Variants in MEOX2 observed in about 807,000 individuals in gnomAD.
The protein encoded by MEOX2 is homeobox protein MOX-2.
A neutral mutation model predicts 27.0 loss-of-function variants in MEOX2; 11 were observed. The ratio of observed to expected loss-of-function variants is 0.41; its 90% CI spans 0.26 to 0.68. The LOEUF is 0.68. Ranked by LOEUF, MEOX2 falls within the 30% of genes least tolerant of loss-of-function variation. The pLI, the probability that MEOX2 is intolerant of heterozygous loss-of-function variation, is 0.33. For missense variants in MEOX2, 436 were observed against 385.4 expected (o/e 1.13, Z -1.10); for synonymous variants, 189 against 155.4 (o/e 1.22, Z -1.61).
intron 2 of MEOX2, among the ~76,000 whole-genome samples, chr7:15,619,010 T>C (rs903253287): frequency 2.6e-5 from 4 of 151,986 alleles, no homozygotes; most frequent in Non-Finnish European, 5.9e-5. Context: ...TGAGGAGACA[T>C]AGAAATATGG....
chr7:15,629,802 T>C (rs184378368), intron 1 of MEOX2, among the ~76,000 whole-genome samples: 1 of 152,188 alleles, frequency 6.6e-6, no homozygotes, highest in African/African-American at 2.4e-5. Flanking sequence ...CCAAACCCTA[T>C]CACTTGCTGA....
At chr7:15,646,965 T>G (rs544365045) in intron 1 of MEOX2, among the ~76,000 whole-genome samples, 7 of 152,080 alleles carry the variant, frequency 4.6e-5, no homozygotes, top group Admixed American at 3.9e-4. Flanking sequence ...TATCTACACA[T>G]CCAGTGCATT....
At chr7:15,663,007 A>G (rs1420574924) in intron 1 of MEOX2, among the ~76,000 whole-genome samples, 3 of 152,102 alleles carry the variant, frequency 2.0e-5, no homozygotes, top group Admixed American at 2.0e-4. Context: ...TAATTCAAGG[A>G]TGTAAGTAGC....
At position 15,659,048 on chromosome 7, in the gene MEOX2, G is replaced by A. The variant is rs555109252; in HGVS notation, c.517+26838C>T. 4.6e-5 allele frequency among the ~76,000 whole-genome samples: 7 copies of A among 152,232 alleles called. 1 individual carries two copies. In the South Asian group the frequency reaches 8.3e-4, roughly 18 times the overall value. ...AGGGTCTCTCTCTGGCACCCAGGGT[G>A]GAGTGCAGTGGCATGATTATGGCTC... On this transcript the variant is annotated intron_variant, in intron 1 of 2. Transcript: ENST00000262041.
At chr7:15,645,786 T>C (rs949394519) in intron 1 of MEOX2, among the ~76,000 whole-genome samples, 3 of 152,118 alleles carry the variant, frequency 2.0e-5, no homozygotes, top group Non-Finnish European at 4.4e-5. Flanking sequence ...GGCTTACCAA[T>C]AGTAAACAGA....
intron 1 of MEOX2, among the ~76,000 whole-genome samples, chr7:15,664,879 C>T (rs1781974919): frequency 1.3e-5 from 2 of 152,144 alleles, no homozygotes; most frequent in South Asian, 2.1e-4. Context: ...CCTTCTGTTG[C>T]ATCTCATTTC....
chr7:15,660,989 G>T (rs894035640), intron 1 of MEOX2, among the ~76,000 whole-genome samples: 1 of 119,442 alleles, frequency 8.4e-6, no homozygotes, highest in African/African-American at 3.4e-5. Context: ...CTCCAGCCTT[G>T]GCAACAGAGC....
chr7:15,624,352 C>T (rs538306601), intron 2 of MEOX2, among the ~76,000 whole-genome samples: 14 of 152,106 alleles, frequency 9.2e-5, no homozygotes, highest in Admixed American at 2.0e-4. Flanking sequence ...TGAACTATCT[C>T]TCATGTTCTG....
intron 1 of MEOX2, chr7:15,678,788 C>T (rs1217404677): frequency 6.6e-6 from 1 of 152,216 alleles, no homozygotes; most frequent in Non-Finnish European, 1.5e-5. Flanking sequence ...TAAAATTCTA[C>T]TGGCATCTGC....
chr7:15,669,215 G>A (rs574829911), intron 1 of MEOX2, among the ~76,000 whole-genome samples: 1 of 152,012 alleles, frequency 6.6e-6, no homozygotes. Context: ...CTTCTATACC[G>A]CCAGTAAAAC....
At chr7:15,644,010 G>A (rs1781603775) in intron 1 of MEOX2, among the ~76,000 whole-genome samples, 1 of 152,144 alleles carries the variant, frequency 6.6e-6, no homozygotes. Context: ...TGCAGGGGTG[G>A]CTGGAAGGCA....
chr7:15,677,472 C>T (rs1050354590), intron 1 of MEOX2: 1 of 152,196 alleles, frequency 6.6e-6, no homozygotes, highest in African/African-American at 2.4e-5. Context: ...GGGTTGCATC[C>T]ACCTAACCCT....
chr7:15,685,855 G>T (rs1457905421), intron 1 of MEOX2, 31 bp downstream of exon 1: 4 of 1,548,554 alleles, frequency 2.6e-6, no homozygotes, highest in Non-Finnish European at 3.5e-6. Context: ...AGCCCGGCGC[G>T]CACTCTCGAG....
At chr7:15,652,846 T>C (rs983890197) in intron 1 of MEOX2, among the ~76,000 whole-genome samples, 3 of 152,048 alleles carry the variant, frequency 2.0e-5, no homozygotes, top group Non-Finnish European at 2.9e-5. Flanking sequence ...TTCCATGTTA[T>C]GGATGTACCA....
intron 1 of MEOX2, among the ~76,000 whole-genome samples, chr7:15,655,586 A>T (rs1485237320): frequency 6.6e-6 from 1 of 151,732 alleles, no homozygotes; most frequent in Non-Finnish European, 1.5e-5. Context: ...TTTCTTGCAG[A>T]TCAATGTATT....
At chr7:15,636,901 G>T (rs1259144445) in intron 1 of MEOX2, among the ~76,000 whole-genome samples, 1 of 152,080 alleles carries the variant, frequency 6.6e-6, no homozygotes, top group South Asian at 2.1e-4. Flanking sequence ...CCTTTTCATA[G>T]TGGCATTAAT....
At chr7:15,621,691 C>A (rs536796094) in intron 2 of MEOX2, among the ~76,000 whole-genome samples, 6 of 152,100 alleles carry the variant, frequency 3.9e-5, no homozygotes, top group African/African-American at 1.4e-4. Flanking sequence ...GTAGGGGTAG[C>A]CACAAATAAC....
At chr7:15,670,686 T>C (rs1782080883) in intron 1 of MEOX2, among the ~76,000 whole-genome samples, 4 of 152,170 alleles carry the variant, frequency 2.6e-5, no homozygotes, top group Admixed American at 2.6e-4. Flanking sequence ...TTACATACCA[T>C]ACTACATGAC....
rs1782371823 is a variant in MEOX2, at chr7:15,685,868, TGCCTGGC to T, written c.517+11_517+17del. On this transcript the variant is annotated intron_variant, in intron 1 of 2. Transcript: ENST00000262041. ...CCAGCCCGGCGCGCACTCTCGAGGG[TGCCTGGC>T]GCGCCCTTACCTGAGCTGTCGCTTT... 1 of 1,567,628 alleles carries T rather than the reference TGCCTGGC, an allele frequency of 6.4e-7. No homozygotes were observed. The highest frequency in any genetic ancestry group is 1.4e-5 in the African/African-American group (1 of 73,632).
Sources: allele counts gnomAD v4.1 joint callset (sites outside exome capture counted in the v4.1 genomes callset), GRCh38; gene constraint gnomAD v4.1.1; transcripts MANE v1.5; gene names NCBI Gene and HGNC (gene_info 2026-07-23, HGNC 2026-07-21).